Variants in ERC1 observed in about 807,000 individuals in gnomAD.
ERC1 encodes the protein RAB6 interacting protein 2.
A neutral mutation model predicts 132.0 loss-of-function variants in ERC1; 56 were observed. That is an observed-to-expected ratio of 0.42 (90% confidence interval 0.34 to 0.53). ERC1 has a LOEUF of 0.53. Among genes scored for constraint, ERC1 ranks in the 20% least tolerant of loss-of-function variants. The probability of loss-of-function intolerance (pLI) is 0.03; values close to 1 mark genes in which losing one functional copy is unlikely to be tolerated. For missense variants in ERC1, 1,202 were observed against 1,349.9 expected, an observed-to-expected ratio of 0.89 and a Z score of 1.72; for synonymous variants, 478 against 476.1, an observed-to-expected ratio of 1.00 and a Z score of -0.05.
intron 2 of ERC1, among the ~76,000 whole-genome samples, chr12:1,029,716 G>C (rs1338654635): frequency 6.6e-6 from 1 of 151,406 alleles, no homozygotes; most frequent in Non-Finnish European, 1.5e-5. Context: ...ATCATATTCA[G>C]GCTCTACTAG....
At chr12:1,285,299 G>T (rs2078969659) in intron 14 of ERC1, among the ~76,000 whole-genome samples, 1 of 152,052 alleles carries the variant, frequency 6.6e-6, no homozygotes, top group East Asian at 1.9e-4. Context: ...TATCTTCATA[G>T]GATAAAAGAA....
chr12:1,449,465 G>T (rs1323009036), intron 18 of ERC1, among the ~76,000 whole-genome samples: 3 of 152,166 alleles, frequency 2.0e-5, no homozygotes, highest in Non-Finnish European at 4.4e-5. Flanking sequence ...TACCCACCAT[G>T]CTGTTCTCAT....
chr12:1,428,108 A>C (rs1184273207), intron 17 of ERC1, among the ~76,000 whole-genome samples: 1 of 152,158 alleles, frequency 6.6e-6, no homozygotes, highest in African/African-American at 2.4e-5. Flanking sequence ...TATCTTAATG[A>C]TTATGGGCAT....
intron 12 of ERC1, among the ~76,000 whole-genome samples, chr12:1,215,358 A>G (rs7303756): frequency 0.43 from 65,887 of 151,694 alleles, 16,146 homozygotes; most frequent in African/African-American, 0.67. Flanking sequence ...ATCATCTTAC[A>G]GCTCAAAACA....
At chr12:1,471,912 A>G (rs541082181) in intron 18 of ERC1, among the ~76,000 whole-genome samples, 1 of 152,326 alleles carries the variant, frequency 6.6e-6, no homozygotes, top group East Asian at 1.9e-4. Context: ...ATAGATACAT[A>G]TTAAGTTTTC....
chr12:1,117,836 A>G (rs775304325), intron 7 of ERC1, among the ~76,000 whole-genome samples: 3 of 152,208 alleles, frequency 2.0e-5, no homozygotes, highest in Non-Finnish European at 4.4e-5. Flanking sequence ...TCTTACTTTT[A>G]TTAAGCTAAA....
intron 16 of ERC1, among the ~76,000 whole-genome samples, chr12:1,379,773 G>C (rs529835755): frequency 7.4e-4 from 113 of 152,218 alleles, no homozygotes; most frequent in African/African-American, 2.6e-3. Context: ...AATGGAATTT[G>C]CAGTGTCTTC....
chr12:1,298,771 G>GA (rs536281146), intron 15 of ERC1, among the ~76,000 whole-genome samples: 191 of 144,808 alleles, frequency 1.3e-3, no homozygotes, highest in African/African-American at 3.5e-3. Flanking sequence ...TACTAGATTA[G>GA]AAAAAAAAAA....
At chr12:1,095,759 G>A (rs553895575) in intron 3 of ERC1, among the ~76,000 whole-genome samples, 1 of 152,242 alleles carries the variant, frequency 6.6e-6, no homozygotes, top group East Asian at 1.9e-4. Context: ...GTGGGAAAGG[G>A]GAGCTTATGA....
intron 17 of ERC1, among the ~76,000 whole-genome samples, chr12:1,440,668 G>GTGTGTGTGTGTGTGTGTGT (rs2093123666): frequency 5.6e-5 from 6 of 106,368 alleles, no homozygotes; most frequent in Admixed American, 4.1e-4. Flanking sequence ...GTGTGTGTGT[G>GTGTGTGTGTGTGTGTGTGT]ATGGAGTCTC....
chr12:1,455,520 A>G (rs1297753317), intron 18 of ERC1, among the ~76,000 whole-genome samples: 1 of 152,052 alleles, frequency 6.6e-6, no homozygotes, highest in East Asian at 1.9e-4. Flanking sequence ...TGCGCTTAGA[A>G]TTTCTCCTCA....
intron 17 of ERC1, among the ~76,000 whole-genome samples, chr12:1,425,333 G>C (rs1316437264): frequency 1.3e-5 from 2 of 152,288 alleles, no homozygotes; most frequent in South Asian, 4.1e-4. Flanking sequence ...TGTTAGAGTG[G>C]ATGGTGACCT....
intron 7 of ERC1, among the ~76,000 whole-genome samples, chr12:1,138,870 G>T (rs1288117835): frequency 6.6e-6 from 1 of 152,182 alleles, no homozygotes; most frequent in Non-Finnish European, 1.5e-5. Flanking sequence ...GGTTAAGAGT[G>T]TGGGGTCTGG....
chr12:1,278,256 T>C (rs750365470), intron 14 of ERC1, among the ~76,000 whole-genome samples: 4 of 152,218 alleles, frequency 2.6e-5, no homozygotes, highest in Non-Finnish European at 4.4e-5. Context: ...GAAATCTCCA[T>C]GTTTAGACTT....
chr12:1,459,311 C>T (rs2093601858), intron 18 of ERC1, among the ~76,000 whole-genome samples: 1 of 151,968 alleles, frequency 6.6e-6, no homozygotes. Flanking sequence ...AACCTCATGG[C>T]TATATATATG....
At chr12:1,263,881 G>T (rs1024896016) in intron 14 of ERC1, among the ~76,000 whole-genome samples, 1 of 151,820 alleles carries the variant, frequency 6.6e-6, no homozygotes, top group African/African-American at 2.4e-5. Context: ...GTAAAGTTGG[G>T]GTTTCACCAT....
intron 15 of ERC1, among the ~76,000 whole-genome samples, chr12:1,302,305 A>G (rs2080463294): frequency 6.6e-6 from 1 of 152,190 alleles, no homozygotes; most frequent in Non-Finnish European, 1.5e-5. Context: ...ACACCCATTT[A>G]TGATAAAATA....
intron 7 of ERC1, among the ~76,000 whole-genome samples, chr12:1,132,382 C>T (rs993629468): frequency 2.0e-5 from 3 of 152,194 alleles, no homozygotes; most frequent in African/African-American, 7.2e-5. Flanking sequence ...TCCAGCCACA[C>T]TTATACTAAA....
At chr12:1,322,786 C>T (rs778442899) in intron 15 of ERC1, among the ~76,000 whole-genome samples, 5 of 152,092 alleles carry the variant, frequency 3.3e-5, no homozygotes, top group Non-Finnish European at 7.4e-5. Flanking sequence ...AAACTTTTAA[C>T]TTGGTTCTCC....
Sources: allele counts gnomAD v4.1 joint callset (sites outside exome capture counted in the v4.1 genomes callset), GRCh38; gene constraint gnomAD v4.1.1; transcripts MANE v1.5; gene names NCBI Gene and HGNC (gene_info 2026-07-23, HGNC 2026-07-21).